CSMD1: variants seen among roughly 807,000 people sequenced by gnomAD.
CSMD1 encodes CUB and sushi domain-containing protein 1.
In CSMD1, 213 loss-of-function variants were observed where a neutral mutation model predicts 417.5. That is an observed-to-expected ratio of 0.51 (90% CI 0.46 to 0.57). CSMD1 has a LOEUF of 0.57. CSMD1 is among the 20% of genes least tolerant of loss of function. The pLI, the probability that CSMD1 is intolerant of heterozygous loss-of-function variation, is 0.00. For synonymous variants in CSMD1, 2,862 were observed against 1,736.8 expected (o/e 1.65, Z -16.11); for missense variants, 6,923 against 4,529.7 (o/e 1.53, Z -15.17).
At chr8:3,310,390 G>A (rs1805235136) in intron 23 of CSMD1, among the ~76,000 whole-genome samples, 1 of 152,292 alleles carries the variant, frequency 6.6e-6, no homozygotes, top group South Asian at 2.1e-4. Context: ...GTCTTTAGAA[G>A]GCAGTCCTGC....
At chr8:3,708,584 T>G (rs10105577) in intron 6 of CSMD1, 93 bp from the exon 7 acceptor site, 1 of 1,011,856 alleles carries the variant, frequency 9.9e-7, no homozygotes, top group African/African-American at 1.6e-5. Context: ...ATAACTGCTT[T>G]CTATCAACCC....
chr8:4,733,564 A>G (rs1810037046), intron 1 of CSMD1, among the ~76,000 whole-genome samples: 1 of 152,344 alleles, frequency 6.6e-6, no homozygotes, highest in East Asian at 1.9e-4. Context: ...TGACAAAGCT[A>G]TGTGGTGTAA....
At chr8:4,420,470 A>G (rs2128940003) in intron 2 of CSMD1, among the ~76,000 whole-genome samples, 1 of 152,058 alleles carries the variant, frequency 6.6e-6, no homozygotes, top group East Asian at 1.9e-4. Context: ...GCACCTCTCA[A>G]CCCATCACGT....
At chr8:4,254,101 T>C (rs1803274567) in intron 3 of CSMD1, among the ~76,000 whole-genome samples, 1 of 151,856 alleles carries the variant, frequency 6.6e-6, no homozygotes, top group Admixed American at 6.6e-5. Flanking sequence ...GTGTTTTTAG[T>C]AGAGACAGGG....
intron 49 of CSMD1, among the ~76,000 whole-genome samples, chr8:3,080,340 T>C (rs1813997186): frequency 6.6e-6 from 1 of 152,204 alleles, no homozygotes; most frequent in Admixed American, 6.5e-5. Flanking sequence ...TTTCTTGCTT[T>C]AAGGCAGGAA....
chr8:4,367,913 C>G (rs961558481), intron 3 of CSMD1, among the ~76,000 whole-genome samples: 1 of 152,092 alleles, frequency 6.6e-6, no homozygotes, highest in South Asian at 2.1e-4. Flanking sequence ...TATCCTGAAA[C>G]ATTACTGAAG....
intron 8 of CSMD1, among the ~76,000 whole-genome samples, chr8:3,586,796 G>C (rs55890168): frequency 0.38 from 58,239 of 151,980 alleles, 11,513 homozygotes; most frequent in Non-Finnish European, 0.41. Flanking sequence ...CTTTTCTTTT[G>C]TTTGTTTGTT....
At chr8:4,165,133 G>A (rs1197420645) in intron 3 of CSMD1, among the ~76,000 whole-genome samples, 1 of 152,118 alleles carries the variant, frequency 6.6e-6, no homozygotes, top group Non-Finnish European at 1.5e-5. Context: ...TGCATGACAG[G>A]TATCTATATT....
intron 25 of CSMD1, among the ~76,000 whole-genome samples, chr8:3,304,806 C>T (rs1046112496): frequency 2.0e-5 from 3 of 151,614 alleles, no homozygotes; most frequent in African/African-American, 4.8e-5. Flanking sequence ...ACTTGGTTTG[C>T]ATTTAGAGAA....
At chr8:4,726,737 T>C (rs768412262) in intron 1 of CSMD1, among the ~76,000 whole-genome samples, 24 of 152,244 alleles carry the variant, frequency 1.6e-4, no homozygotes, top group Non-Finnish European at 2.9e-4. Flanking sequence ...CACTTCAGCA[T>C]GGGCTGGGTT....
rs187285640 is a variant in CSMD1 at position 3,458,596 on chromosome 8, T to G, written c.1561+10116A>C. 5.0e-3 allele frequency among the ~76,000 whole-genome samples: 769 copies of G among 152,376 alleles called. 1 individual carries two copies. Among genetic ancestry groups the G allele is most frequent in the Non-Finnish European group, 6.9e-3 (470 of 68,040 alleles). ...GTTTCAGTAAAATCCTATGTTCATC[T>G]TATTCGTCTTGCGTTAAGACAACGG... On this transcript the variant is annotated intron_variant, in intron 12 of 69. Transcript: ENST00000635120.
intron 2 of CSMD1, among the ~76,000 whole-genome samples, chr8:4,475,037 G>A (rs1009765495): frequency 1.3e-5 from 2 of 151,946 alleles, no homozygotes. Flanking sequence ...ATGCATAAGG[G>A]GTCAGTGTCC....
At chr8:3,798,832 A>C (rs1308186028) in intron 5 of CSMD1, among the ~76,000 whole-genome samples, 1 of 151,956 alleles carries the variant, frequency 6.6e-6, no homozygotes, top group African/African-American at 2.4e-5. Context: ...AATTTAGTAA[A>C]ATGTTGTATT....
intron 57 of CSMD1, among the ~76,000 whole-genome samples, chr8:2,969,078 GCAAT>G (rs747452349): frequency 1.3e-5 from 2 of 152,016 alleles, no homozygotes; most frequent in Non-Finnish European, 2.9e-5. Context: ...ATAAACCTGA[GCAAT>G]CAATTTAAAT....
Position 4,722,660 on chromosome 8 carries a change from T to A in CSMD1, c.86-85102A>T, listed in dbSNP as rs974930309. On this transcript the variant is annotated intron_variant, in intron 1 of 69. Coordinates refer to ENST00000635120, the MANE Select transcript of CSMD1 (RefSeq NM_033225.6). ...TAATAGTCTCAGCATCTCATTACTA[T>A]CCTCAGCGGAAAAAAAAAGTTTCTA... Among the ~76,000 whole-genome samples the A allele has an allele frequency of 2.0e-5, 3 of 151,832 alleles. No individual in the cohort carries two copies. The East Asian group carries it at 5.8e-4, about 29-fold the overall frequency.
intron 1 of CSMD1, among the ~76,000 whole-genome samples, chr8:4,861,833 A>G (rs1218318726): frequency 2.0e-5 from 3 of 152,118 alleles, no homozygotes; most frequent in Non-Finnish European, 4.4e-5. Context: ...TTGATTTCAT[A>G]ATATGTGTGA....
intron 5 of CSMD1, among the ~76,000 whole-genome samples, chr8:3,896,580 C>CGCGA (rs1329942720): frequency 6.6e-6 from 1 of 151,834 alleles, no homozygotes. Context: ...GGCGTGATCT[C>CGCGA]GGCTCACCGC....
At chr8:4,566,907 G>GGAATGAGAAAAAC (rs1490784448) in intron 2 of CSMD1, among the ~76,000 whole-genome samples, 8 of 21,280 alleles carry the variant, frequency 3.8e-4, no homozygotes, top group East Asian at 3.4e-3. Context: ...ATGAGAAAAA[G>GGAATGAGAAAAAC]TCAATTCAGG....
intron 5 of CSMD1, among the ~76,000 whole-genome samples, chr8:3,914,988 A>T (rs1010435593): frequency 3.3e-5 from 5 of 152,194 alleles, no homozygotes; most frequent in Non-Finnish European, 7.3e-5. Context: ...TGAACGGAAC[A>T]GCCTTCACAC....
Sources: gnomAD v4.1 joint callset for allele counts (sites outside exome capture counted in the v4.1 genomes callset) on GRCh38, gnomAD v4.1.1 for gene constraint, MANE v1.5 for transcripts, NCBI Gene and HGNC (gene_info 2026-07-23, HGNC 2026-07-21) for gene names.